NELL1: variants seen among roughly 807,000 people sequenced by gnomAD.
NELL1 encodes the protein neural EGFL like 1.
NELL1 carries 76 observed loss-of-function variants against 107.4 expected under a neutral mutation model. That is an observed-to-expected ratio of 0.71 (90% CI 0.59 to 0.86). The LOEUF (loss-of-function observed/expected upper bound fraction) is 0.86. NELL1 is among the 40% of genes least tolerant of loss of function. The pLI is 0.00. For missense variants in NELL1, 1,024 were observed against 1,005.5 expected (o/e 1.02, Z -0.25); for synonymous variants, 353 against 341.2 (o/e 1.03, Z -0.38).
chr11:21,456,771 G>A (rs55838656), intron 15 of NELL1, among the ~76,000 whole-genome samples: 3,828 of 152,158 alleles, frequency 0.025, 170 homozygotes, highest in African/African-American at 0.085. Context: ...GGGTGCAGGT[G>A]GAGACCAAAG....
At chr11:20,817,586 A>C (rs1857650996) in intron 3 of NELL1, among the ~76,000 whole-genome samples, 1 of 151,818 alleles carries the variant, frequency 6.6e-6, no homozygotes. Context: ...TCAAAAATCC[A>C]ATCTTTGGTT....
intron 9 of NELL1, among the ~76,000 whole-genome samples, chr11:20,934,847 G>A (rs1850690364): frequency 6.6e-6 from 1 of 152,176 alleles, no homozygotes; most frequent in Admixed American, 6.5e-5. Context: ...ACGAGTCATG[G>A]TCAACTGATT....
intron 14 of NELL1, among the ~76,000 whole-genome samples, chr11:21,271,175 A>C (rs149258902): frequency 6.6e-6 from 1 of 152,202 alleles, no homozygotes; most frequent in African/African-American, 2.4e-5. Context: ...AAAACAGGAA[A>C]TCAATAGAGA....
At chr11:21,248,349 A>AAG (rs532849728) in intron 14 of NELL1, among the ~76,000 whole-genome samples, 6,410 of 151,564 alleles carry the variant, frequency 0.042, 173 homozygotes, top group Admixed American at 0.07. Context: ...GTCAAAAAAA[A>AAG]AAAAGAAAAG....
At chr11:20,890,796 GA>G (rs1849602051) in intron 5 of NELL1, among the ~76,000 whole-genome samples, 1 of 151,972 alleles carries the variant, frequency 6.6e-6, no homozygotes, top group East Asian at 1.9e-4. Flanking sequence ...AAAAGATGCA[GA>G]AAAGAATAAA....
chr11:21,481,788 C>A (rs1339896273), intron 15 of NELL1, among the ~76,000 whole-genome samples: 1 of 152,170 alleles, frequency 6.6e-6, no homozygotes, highest in Non-Finnish European at 1.5e-5. Flanking sequence ...AACTGACTCC[C>A]ATTGAATGTG....
At chr11:20,701,814 G>A (rs1267070631) in intron 2 of NELL1, among the ~76,000 whole-genome samples, 1 of 152,098 alleles carries the variant, frequency 6.6e-6, no homozygotes, top group African/African-American at 2.4e-5. Context: ...AGATCAGATG[G>A]TTGTAGATGT....
intron 14 of NELL1, among the ~76,000 whole-genome samples, chr11:21,290,432 T>TAAATAAATA (rs1447567905): frequency 6.6e-6 from 1 of 150,726 alleles, no homozygotes; most frequent in Non-Finnish European, 1.5e-5. Context: ...AATAAATAAA[T>TAAATAAATA]ATTCCTTCCT....
intron 15 of NELL1, among the ~76,000 whole-genome samples, chr11:21,455,490 C>T (rs971577090): frequency 6.6e-6 from 1 of 151,662 alleles, no homozygotes; most frequent in African/African-American, 2.4e-5. Flanking sequence ...TGTCACCACA[C>T]TTGGTTAATT....
At position 20,985,187 on chromosome 11, in the gene NELL1, A is replaced by G. The variant is rs1035485820; in HGVS notation, c.1300+24627A>G. 5.9e-5 allele frequency among the ~76,000 whole-genome samples: 9 copies of G among 152,170 alleles called. No individual in the cohort carries two copies. The South Asian group carries it at 1.2e-3, about 21-fold the overall frequency. On this transcript the variant is annotated intron_variant, in intron 12 of 19. Coordinates refer to ENST00000357134, the MANE Select transcript of NELL1 (RefSeq NM_006157.5). Reference sequence around the variant, plus strand: ...GAATAGTAGAAAATTCATTTCTACTATTTTACTCTATTTACAAGAATATGC... The same window carrying G: ...GAATAGTAGAAAATTCATTTCTACTGTTTTACTCTATTTACAAGAATATGC...
At chr11:21,157,292 T>A (rs190588575) in intron 13 of NELL1, among the ~76,000 whole-genome samples, 1 of 152,104 alleles carries the variant, frequency 6.6e-6, no homozygotes, top group African/African-American at 2.4e-5. Context: ...TCACTCAATC[T>A]GATTATCTCT....
At chr11:21,265,736 A>C (rs1848621782) in intron 14 of NELL1, among the ~76,000 whole-genome samples, 1 of 151,924 alleles carries the variant, frequency 6.6e-6, no homozygotes, top group South Asian at 2.1e-4. Context: ...TGGGTTCTTA[A>C]AACTTTACTG....
chr11:20,947,267 A>G, intron 10 of NELL1, 69 bp from the exon 11 acceptor site: 1 of 1,008,350 alleles, frequency 9.9e-7, no homozygotes, highest in Non-Finnish European at 1.6e-6. Flanking sequence ...TTAACAAAGA[A>G]CATTATAAGT....
chr11:20,669,643 G>A lies in NELL1; in HGVS notation c.-81G>A, dbSNP rs1050572031. 14 of 1,289,272 alleles carry A rather than the reference G, an allele frequency of 1.1e-5. No individual in the cohort carries two copies. The highest frequency in any genetic ancestry group is 1.1e-4 in the Admixed American group (6 of 56,506). 79.9% of individuals were successfully genotyped at this position (1,289,272 alleles called of 1,614,324 possible). A position where few individuals can be genotyped will look rare whatever the true frequency, so the allele number is the denominator to read the frequency against. On this transcript the variant is annotated 5_prime_UTR_variant, in exon 1 of 20. Transcript: ENST00000357134. This position sits in a 1 kb window ranked among gnomAD's most constrained non-coding sequence, Gnocchi z 4.4. ...CCGCTAGCAAGTTTGGCGGCTCCAA[G>A]CCAGGCGCGCCTCAGGATCCAGGCT...
chr11:21,154,992 C>T (rs17233033), intron 13 of NELL1, among the ~76,000 whole-genome samples: 2,639 of 151,990 alleles, frequency 0.017, 38 homozygotes, highest in Non-Finnish European at 0.025. Context: ...TGAGGTTAGG[C>T]GCAGAAAACT....
intron 14 of NELL1, among the ~76,000 whole-genome samples, chr11:21,277,694 A>G (rs932432121): frequency 2.0e-5 from 3 of 152,248 alleles, no homozygotes; most frequent in African/African-American, 4.8e-5. Context: ...TGTGGCACGT[A>G]TATACCATGG....
At chr11:20,862,363 C>A (rs1160672701) in intron 4 of NELL1, among the ~76,000 whole-genome samples, 7 of 152,012 alleles carry the variant, frequency 4.6e-5, no homozygotes, top group African/African-American at 1.2e-4. Flanking sequence ...TTTCCATATA[C>A]CCCGTCACTA....
chr11:21,383,113 T>G (rs1367743781), intron 15 of NELL1, among the ~76,000 whole-genome samples: 1 of 152,012 alleles, frequency 6.6e-6, no homozygotes, highest in East Asian at 1.9e-4. Context: ...GTAACTCTTA[T>G]GATTTGCATC....
intron 15 of NELL1, among the ~76,000 whole-genome samples, chr11:21,485,552 AC>A (rs1165125406): frequency 2.0e-5 from 3 of 151,818 alleles, no homozygotes; most frequent in African/African-American, 7.3e-5. Context: ...CATTCCAAGT[AC>A]AAATACTACC....
Sources: allele counts gnomAD v4.1 joint callset (sites outside exome capture counted in the v4.1 genomes callset), GRCh38; gene constraint gnomAD v4.1.1; non-coding constraint Gnocchi (gnomAD v3.1); transcripts MANE v1.5; gene names NCBI Gene and HGNC (gene_info 2026-07-23, HGNC 2026-07-21).